VWA8: variants seen among roughly 807,000 people sequenced by gnomAD.
VWA8 encodes the protein von Willebrand factor A domain-containing protein 8.
In VWA8, 221 loss-of-function variants were observed where a neutral mutation model predicts 241.5. The observed-to-expected ratio is 0.91, with a 90% CI of 0.82 to 1.02. VWA8 has a LOEUF of 1.02. Ranked by LOEUF, VWA8 falls within the 50% of genes least tolerant of loss-of-function variation. VWA8 has a pLI of 0.00. For synonymous variants in VWA8, 852 were observed against 827.1 expected, an observed-to-expected ratio of 1.03 and a Z score of -0.52; for missense variants, 2,322 against 2,328.7, an observed-to-expected ratio of 1.00 and a Z score of 0.06.
intron 5 of VWA8, among the ~76,000 whole-genome samples, chr13:41,889,628 C>T (rs1359133066): frequency 1.3e-5 from 2 of 152,164 alleles, no homozygotes; most frequent in East Asian, 3.8e-4. Flanking sequence ...ATCTGCCTGC[C>T]TTAGCCTCCC....
At chr13:41,831,403 ACT>A (rs1166572426) in intron 13 of VWA8, among the ~76,000 whole-genome samples, 1 of 151,950 alleles carries the variant, frequency 6.6e-6, no homozygotes. Flanking sequence ...ATCTCTCTAA[ACT>A]CTCGTCTTCC....
chr13:41,936,141 T>A (rs928234675), intron 2 of VWA8, among the ~76,000 whole-genome samples: 28 of 152,210 alleles, frequency 1.8e-4, no homozygotes, highest in African/African-American at 6.5e-4. Flanking sequence ...TATGAACTCA[T>A]ATTTCTCCCA....
chr13:41,719,830 C>A, intron 25 of VWA8, 88 bp from the exon 26 acceptor site: 1 of 1,240,332 alleles, frequency 8.1e-7, no homozygotes, highest in South Asian at 1.7e-5. Flanking sequence ...CAATAATGAT[C>A]AAATGAACTA....
chr13:41,867,017 C>T (rs1026874097), intron 10 of VWA8, among the ~76,000 whole-genome samples: 1 of 152,090 alleles, frequency 6.6e-6, no homozygotes, highest in Admixed American at 6.5e-5. Context: ...CCAAAGAATT[C>T]TAAGTTTGGA....
chr13:41,732,045 A>G (rs747414641), intron 22 of VWA8, 35 bp downstream of exon 22: 3 of 1,574,624 alleles, frequency 1.9e-6, no homozygotes, highest in Non-Finnish European at 2.6e-6. Context: ...ATACAAAAAT[A>G]CACTTGAAAA....
At chr13:41,640,038 A>G (rs935865350) in intron 37 of VWA8, among the ~76,000 whole-genome samples, 1 of 152,196 alleles carries the variant, frequency 6.6e-6, no homozygotes, top group Non-Finnish European at 1.5e-5. Flanking sequence ...GGGTCACATC[A>G]CTACTCTACG....
chr13:41,805,995 C>CAAAAAAA (rs1215137704), intron 17 of VWA8, among the ~76,000 whole-genome samples: 3 of 86,518 alleles, frequency 3.5e-5, no homozygotes, highest in East Asian at 8.7e-4. Context: ...TTAAAAAATT[C>CAAAAAAA]AAAAATAAAA....
At chr13:41,637,773 T>C (rs1292673059) in intron 37 of VWA8, among the ~76,000 whole-genome samples, 1 of 152,218 alleles carries the variant, frequency 6.6e-6, no homozygotes, top group Non-Finnish European at 1.5e-5. Flanking sequence ...CCCACAATCA[T>C]GCCATGTTGT....
intron 37 of VWA8, among the ~76,000 whole-genome samples, chr13:41,623,264 A>G (rs1593656735): frequency 6.6e-6 from 1 of 152,182 alleles, no homozygotes; most frequent in Non-Finnish European, 1.5e-5. Context: ...CCACATGGTG[A>G]CCATGTGTTA....
Position 41,590,493 on chromosome 13 carries a change from T to C in VWA8, c.5112+147A>G, listed in dbSNP as rs528440447. The C allele has an allele frequency of 1.2e-3, 1,118 of 953,518 alleles. 2 individuals are homozygous for C. Among genetic ancestry groups the C allele is most frequent in the Non-Finnish European group, 1.4e-3 (946 of 676,750 alleles). The allele number at this position is 953,518 out of a possible 1,614,324, so 59.1% of individuals were successfully genotyped here. A position where few individuals can be genotyped will look rare whatever the true frequency, so the allele number is the denominator to read the frequency against. On this transcript the variant is annotated intron_variant, in intron 41 of 44. Transcript: ENST00000379310. ...AATATTTATGGAGTTTTTCTTCTTC[T>C]TCTTCTTTTTTTTTTTTTTTAACAT...
intron 7 of VWA8, 31 bp from the exon 8 acceptor site, chr13:41,886,059 G>C: frequency 7.2e-7 from 1 of 1,383,672 alleles, no homozygotes; most frequent in Non-Finnish European, 9.8e-7. Context: ...AATTTTAATA[G>C]TTTTAAAATA....
chr13:41,904,243 T>A (rs1441715292), intron 4 of VWA8, among the ~76,000 whole-genome samples: 4 of 152,194 alleles, frequency 2.6e-5, no homozygotes, highest in Non-Finnish European at 5.9e-5. Flanking sequence ...TCTAAAAAGC[T>A]AAAGTGTTAA....
chr13:41,725,423 C>A (rs9590630), intron 24 of VWA8, among the ~76,000 whole-genome samples: 1 of 152,048 alleles, frequency 6.6e-6, no homozygotes, highest in Middle Eastern at 3.4e-3. Flanking sequence ...AAGTGTCAGT[C>A]GTAGAAACTA....
intron 2 of VWA8, among the ~76,000 whole-genome samples, chr13:41,917,475 G>T (rs1487767628): frequency 1.3e-5 from 2 of 152,260 alleles, no homozygotes; most frequent in East Asian, 3.9e-4. Flanking sequence ...AGAACACGCA[G>T]ATTTGTAGTT....
intron 1 of VWA8, among the ~76,000 whole-genome samples, chr13:41,958,700 T>G (rs1878454975): frequency 6.6e-6 from 1 of 152,210 alleles, no homozygotes; most frequent in Non-Finnish European, 1.5e-5. Context: ...CAAGTCCAGA[T>G]CTCTGGTGGG....
chr13:41,716,695 G>A (rs1469112588), intron 26 of VWA8, among the ~76,000 whole-genome samples: 1 of 152,038 alleles, frequency 6.6e-6, no homozygotes, highest in African/African-American at 2.4e-5. Context: ...CCATCAATAA[G>A]CACTGCGGTT....
At chr13:41,888,529 T>C (rs1463322881) in intron 5 of VWA8, among the ~76,000 whole-genome samples, 1 of 152,104 alleles carries the variant, frequency 6.6e-6, no homozygotes, top group African/African-American at 2.4e-5. Flanking sequence ...CACTACTCCA[T>C]CTTCTTGGAA....
At chr13:41,865,386 T>C in intron 12 of VWA8, 1 of 317,402 alleles carries the variant, frequency 3.2e-6, no homozygotes. Flanking sequence ...ATAGTCATTC[T>C]ACTTATTTAT....
intron 39 of VWA8, among the ~76,000 whole-genome samples, chr13:41,610,519 G>C (rs1180207648): frequency 6.6e-6 from 1 of 152,048 alleles, no homozygotes; most frequent in Non-Finnish European, 1.5e-5. Context: ...TGAGCTGGCA[G>C]GCTTTCCTGA....
Sources: allele counts gnomAD v4.1 joint callset (sites outside exome capture counted in the v4.1 genomes callset), GRCh38; gene constraint gnomAD v4.1.1; transcripts MANE v1.5; gene names NCBI Gene and HGNC (gene_info 2026-07-23, HGNC 2026-07-21).